PAX2: variants seen among roughly 807,000 people sequenced by gnomAD.
PAX2 encodes the protein paired box protein Pax-2.
Under a neutral mutation model 41.7 loss-of-function variants are expected in PAX2, and 9 were observed. The observed-to-expected ratio is 0.22, with a 90% CI of 0.13 to 0.38. The LOEUF is 0.38. Ranked by LOEUF, PAX2 falls within the 10% of genes least tolerant of loss-of-function variation. The pLI, the probability that PAX2 is intolerant of heterozygous loss-of-function variation, is 1.00. For missense variants in PAX2, 418 were observed against 531.6 expected, an observed-to-expected ratio of 0.79 and a Z score of 2.10; for synonymous variants, 221 against 212.7, an observed-to-expected ratio of 1.04 and a Z score of -0.34.
At chr10:100,783,154 C>G (rs1846702575) in intron 5 of PAX2, among the ~76,000 whole-genome samples, 1 of 152,256 alleles carries the variant, frequency 6.6e-6, no homozygotes, top group Admixed American at 6.5e-5. Flanking sequence ...ACAGGGCGCT[C>G]TCCTGAGTGG....
At chr10:100,785,009 A>G (rs1589852815) in intron 5 of PAX2, among the ~76,000 whole-genome samples, 1 of 152,336 alleles carries the variant, frequency 6.6e-6, no homozygotes, top group East Asian at 1.9e-4. Context: ...AGCACCCAGA[A>G]GACAGGCTGT....
At chr10:100,780,653 G>A (rs534826748) in intron 4 of PAX2, among the ~76,000 whole-genome samples, 12 of 152,306 alleles carry the variant, frequency 7.9e-5, no homozygotes, top group African/African-American at 2.9e-4. Context: ...AAGACCAAAA[G>A]CAGCTGAGAG....
Position 100,827,409 on chromosome 10 carries a change from G to A in PAX2, c.1109-134G>A. On this transcript the variant is annotated intron_variant, in intron 9 of 9. Coordinates refer to ENST00000355243, the MANE Select transcript of PAX2 (RefSeq NM_000278.5). This position sits in a 1 kb window ranked among gnomAD's most constrained non-coding sequence, Gnocchi z 8.5. ...ATTCTCCGGGGCAACTGGCTCCACT[G>A]CCCAGCCAAGGTCTCCCAGTCCGGA... 1 of 909,380 alleles carries A rather than the reference G, an allele frequency of 1.1e-6. No homozygotes were observed. The highest frequency in any genetic ancestry group is 1.8e-6 in the Non-Finnish European group (1 of 556,656). 56.3% of individuals were successfully genotyped at this position (909,380 alleles called of 1,614,324 possible).
At chr10:100,743,080 G>A (rs1845027418), upstream of PAX2, among the ~76,000 whole-genome samples, 1 of 151,812 alleles carries the variant, frequency 6.6e-6, no homozygotes. Context: ...ACCCAGGAAT[G>A]GGCTGGAGCT....
chr10:100,782,756 T>G (rs567674229), intron 5 of PAX2, among the ~76,000 whole-genome samples: 50 of 152,370 alleles, frequency 3.3e-4, no homozygotes, highest in African/African-American at 1.2e-3. Context: ...TCATTGTGGT[T>G]GTTTTGGCGG....
intron 4 of PAX2, 46 bp from the exon 5 acceptor site, chr10:100,781,200 T>G (rs763194048): frequency 1.2e-6 from 2 of 1,610,772 alleles, no homozygotes; most frequent in Non-Finnish European, 1.7e-6. Flanking sequence ...CGATCACAAC[T>G]GCTAAACTGC....
Position 100,829,382 on chromosome 10 carries a change from A to G in PAX2, c.*1763A>G. The G allele has an allele frequency of 4.8e-6, 1 of 210,326 alleles. No individual in the cohort carries two copies. Among genetic ancestry groups the G allele is most frequent in the Non-Finnish European group, 9.7e-6 (1 of 103,312 alleles). 13.0% of individuals were successfully genotyped at this position (210,326 alleles called of 1,614,324 possible). A position where few individuals can be genotyped will look rare whatever the true frequency, so the allele number is the denominator to read the frequency against. On this transcript the variant is annotated 3_prime_UTR_variant, in exon 10 of 10. Coordinates refer to ENST00000355243, the MANE Select transcript of PAX2 (RefSeq NM_000278.5). ...CTCCGCAGGCTAGATCCGAGGTGGC[A>G]GCTCCAGCCCCCGGGCTCGCCCCCT...
At chr10:100,795,868 T>A (rs1785735672) in intron 5 of PAX2, among the ~76,000 whole-genome samples, 1 of 152,268 alleles carries the variant, frequency 6.6e-6, no homozygotes, top group Non-Finnish European at 1.5e-5. Flanking sequence ...TTGAAGATTC[T>A]TTCATTTGGA....
chr10:100,810,865 C>A (rs181880800), intron 7 of PAX2, among the ~76,000 whole-genome samples: 4 of 152,318 alleles, frequency 2.6e-5, no homozygotes, highest in South Asian at 2.1e-4. Context: ...CCGCCTCCCC[C>A]CCATGGCCCT....
At position 100,747,528 on chromosome 10, in the gene PAX2, T is replaced by C. The variant is rs75484678; in HGVS notation, c.43+1225T>C. On this transcript the variant is annotated intron_variant, in intron 1 of 9. Coordinates refer to ENST00000355243, the MANE Select transcript of PAX2 (RefSeq NM_000278.5). ...TCTAAATAGAAAACTCCTCCCTATCTGCAGATTAATAATTAAGGATAATTT... is the reference window on the plus strand; with the variant it reads ...TCTAAATAGAAAACTCCTCCCTATCCGCAGATTAATAATTAAGGATAATTT... The C allele has an allele frequency of 1.9e-4, 128 of 688,906 alleles. 1 individual carries two copies. The African/African-American group carries it at 2.3e-3, about 13-fold the overall frequency. 42.7% of individuals were successfully genotyped at this position (688,906 alleles called of 1,614,324 possible).
chr10:100,746,825 G>A (rs1287260671), intron 1 of PAX2, among the ~76,000 whole-genome samples: 1 of 152,210 alleles, frequency 6.6e-6, no homozygotes, highest in Non-Finnish European at 1.5e-5. Context: ...TTCAGCCTCA[G>A]TGTCAGGACA....
intron 3 of PAX2, among the ~76,000 whole-genome samples, chr10:100,760,468 A>G (rs1845798688): frequency 6.6e-6 from 1 of 152,190 alleles, no homozygotes; most frequent in African/African-American, 2.4e-5. Context: ...GTCTGTGTGC[A>G]TGCACAAGTT....
At chr10:100,735,845 C>T (rs1844765405) in intron 1 of PAX2, 9 of 709,092 alleles carry the variant, frequency 1.3e-5, no homozygotes, top group Non-Finnish European at 1.6e-5. Context: ...GCTCAGTACC[C>T]GGCGGGCGAC....
chr10:100,743,159 C>G (rs921472293), upstream of PAX2, among the ~76,000 whole-genome samples: 2 of 152,030 alleles, frequency 1.3e-5, no homozygotes, highest in African/African-American at 4.8e-5. Context: ...GCTGGGGAGA[C>G]GATCCCAGGA....
chr10:100,776,057 G>A (rs962498670), intron 3 of PAX2, among the ~76,000 whole-genome samples: 9 of 152,102 alleles, frequency 5.9e-5, no homozygotes, highest in African/African-American at 2.2e-4. Flanking sequence ...CAGTCCCTTA[G>A]GCAACTTCAG....
chr10:100,778,183 A>G (rs1846469722), intron 3 of PAX2, among the ~76,000 whole-genome samples: 1 of 152,202 alleles, frequency 6.6e-6, no homozygotes, highest in Admixed American at 6.5e-5. Context: ...GCAAAATCAG[A>G]AGCAGGACTC....
At chr10:100,772,371 C>T (rs538974241) in intron 3 of PAX2, among the ~76,000 whole-genome samples, 3 of 152,298 alleles carry the variant, frequency 2.0e-5, no homozygotes, top group Admixed American at 2.0e-4. Flanking sequence ...CCAGGCTGGT[C>T]TCGAACTCCT....
intron 7 of PAX2, among the ~76,000 whole-genome samples, chr10:100,809,858 C>T (rs1028682312): frequency 4.6e-5 from 7 of 152,170 alleles, no homozygotes; most frequent in Non-Finnish European, 1.0e-4. Context: ...GAGCTAGGGG[C>T]GCCATGGCCA....
intron 3 of PAX2, among the ~76,000 whole-genome samples, chr10:100,754,903 A>T (rs904527521): frequency 6.6e-6 from 1 of 152,172 alleles, no homozygotes; most frequent in Non-Finnish European, 1.5e-5. Context: ...TGTTGGTCTC[A>T]TGGCAAAGAG....
Sources: gnomAD v4.1 joint callset for allele counts (sites outside exome capture counted in the v4.1 genomes callset) on GRCh38, gnomAD v4.1.1 for gene constraint, Gnocchi (gnomAD v3.1) non-coding constraint, MANE v1.5 for transcripts, NCBI Gene and HGNC (gene_info 2026-07-23, HGNC 2026-07-21) for gene names.